SIK2: variants seen among roughly 807,000 people sequenced by gnomAD.
The protein encoded by SIK2 is serine/threonine-protein kinase SIK2.
A neutral mutation model predicts 103.2 loss-of-function variants in SIK2; 29 were observed. That is an observed-to-expected ratio of 0.28 (90% CI 0.21 to 0.38). The LOEUF is 0.38. Among genes scored for constraint, SIK2 ranks in the 10% least tolerant of loss-of-function variants. The probability of loss-of-function intolerance (pLI) is 1.00; values close to 1 mark genes in which losing one functional copy is unlikely to be tolerated. For missense variants in SIK2, 879 were observed against 1,171.0 expected (o/e 0.75, Z 3.64); for synonymous variants, 412 against 446.1 (o/e 0.92, Z 0.96).
chr11:111,626,595 A>G (rs1941963765), intron 3 of SIK2, among the ~76,000 whole-genome samples: 2 of 151,690 alleles, frequency 1.3e-5, no homozygotes, highest in Admixed American at 6.6e-5. Context: ...ATGTTGTGTC[A>G]TTATCTCCTA....
At chr11:111,639,863 T>C (rs1010929857) in intron 3 of SIK2, among the ~76,000 whole-genome samples, 1 of 152,206 alleles carries the variant, frequency 6.6e-6, no homozygotes, top group East Asian at 1.9e-4. Flanking sequence ...TCCTGGAGAC[T>C]GCTCTACTAG....
chr11:111,646,391 G>A (rs1168590548), intron 3 of SIK2, among the ~76,000 whole-genome samples: 1 of 152,166 alleles, frequency 6.6e-6, no homozygotes, highest in Non-Finnish European at 1.5e-5. Flanking sequence ...AGAGGTTGCA[G>A]TGAGCTGAGA....
chr11:111,726,615 C>A lies in SIK2; in HGVS notation c.*2486C>A. The A allele has an allele frequency of 4.0e-6, 1 of 250,836 alleles. No homozygotes were observed. The highest frequency in any genetic ancestry group is 7.7e-6 in the Non-Finnish European group (1 of 129,254). 15.5% of individuals were successfully genotyped at this position (250,836 alleles called of 1,614,324 possible). On this transcript the variant is annotated 3_prime_UTR_variant, in exon 15 of 15. Coordinates refer to ENST00000304987, the MANE Select transcript of SIK2 (RefSeq NM_015191.3). ...GAGGAGACTGGTTCTGTTGGTCAGT[C>A]AGGTGTTTGCTCAGCCCTGTCTGAT...
intron 3 of SIK2, among the ~76,000 whole-genome samples, chr11:111,643,136 A>G (rs1016693897): frequency 6.6e-6 from 1 of 152,028 alleles, no homozygotes; most frequent in Non-Finnish European, 1.5e-5. Context: ...ACCCACTGTG[A>G]TTTTCTTGAG....
At chr11:111,715,793 C>CTTTTTTTTTTTTTTTTTTTTTTTTTT (rs535843069) in intron 9 of SIK2, among the ~76,000 whole-genome samples, 2 of 81,582 alleles carry the variant, frequency 2.5e-5, no homozygotes, top group Non-Finnish European at 4.3e-5. Context: ...TCATTTTTAG[C>CTTTTTTTTTTTTTTTTTTTTTTTTTT]TTTTTTTTTT....
chr11:111,722,979 T>C lies in SIK2; in HGVS notation c.2147+223T>C, dbSNP rs180678075. 6.6e-6 allele frequency among the ~76,000 whole-genome samples: 1 copy of C among 152,330 alleles called. No homozygotes were observed. The highest frequency in any genetic ancestry group is 2.4e-5 in the African/African-American group (1 of 41,574). On this transcript the variant is annotated intron_variant, in intron 14 of 14. Coordinates refer to ENST00000304987, the MANE Select transcript of SIK2 (RefSeq NM_015191.3). The surrounding 1 kb of genome is among the most constrained non-coding windows in gnomAD (Gnocchi z 4.4). ...CCCCACAGTGTACTTTGTTTTCCTT[T>C]TCTTCTAGCGTTTCCTCTTTGGGGT...
At chr11:111,636,767 TA>T (rs1286087286) in intron 3 of SIK2, among the ~76,000 whole-genome samples, 1 of 152,246 alleles carries the variant, frequency 6.6e-6, no homozygotes, top group African/African-American at 2.4e-5. Flanking sequence ...AATAGAATTT[TA>T]ACTTGGAAAT....
At position 111,642,331 on chromosome 11, in the gene SIK2, T is replaced by A. The variant is rs376651972; in HGVS notation, c.316+21929T>A. On this transcript the variant is annotated intron_variant, in intron 3 of 14. Transcript: ENST00000304987. ...GTTTCCAGGTTACCCACACCTTCCGTCCCACTTGACTACAAAGTTGGGAAT... is the reference window on the plus strand; with the variant it reads ...GTTTCCAGGTTACCCACACCTTCCGACCCACTTGACTACAAAGTTGGGAAT... Among the ~76,000 whole-genome samples, 7 of 152,300 alleles carry A rather than the reference T, an allele frequency of 4.6e-5. No homozygotes were observed. In the South Asian group the frequency reaches 8.3e-4, roughly 18 times the overall value.
At chr11:111,617,039 TTAG>T (rs1206001112) in intron 2 of SIK2, among the ~76,000 whole-genome samples, 2 of 152,194 alleles carry the variant, frequency 1.3e-5, no homozygotes, top group African/African-American at 4.8e-5. Context: ...TTGGCTTATT[TTAG>T]TAGATAAAAT....
chr11:111,676,142 T>C (rs546279250), intron 3 of SIK2, among the ~76,000 whole-genome samples: 2 of 152,354 alleles, frequency 1.3e-5, no homozygotes, highest in African/African-American at 4.8e-5. Context: ...TGTATTATGT[T>C]GTCTTTATTC....
At chr11:111,652,295 G>T (rs471210) in intron 3 of SIK2, among the ~76,000 whole-genome samples, 1 of 152,166 alleles carries the variant, frequency 6.6e-6, no homozygotes, top group Non-Finnish European at 1.5e-5. Flanking sequence ...AAAATGAATT[G>T]CTTCTGAGTT....
chr11:111,618,357 T>C (rs777649143), intron 2 of SIK2, among the ~76,000 whole-genome samples: 9 of 152,202 alleles, frequency 5.9e-5, no homozygotes, highest in Non-Finnish European at 1.2e-4. Flanking sequence ...TAGGAACCCC[T>C]GCTTTAAACA....
At chr11:111,651,757 G>T (rs74335731) in intron 3 of SIK2, among the ~76,000 whole-genome samples, 9 of 152,080 alleles carry the variant, frequency 5.9e-5, no homozygotes, top group Admixed American at 5.9e-4. Context: ...TAACAGATAT[G>T]CATTGAACAC....
rs1401644117 is a variant in SIK2, at chr11:111,726,871, T to C, written c.*2742T>C. 8 of 1,129,992 alleles carry C rather than the reference T, an allele frequency of 7.1e-6. No individual in the cohort carries two copies. In the East Asian group the frequency reaches 9.7e-5, roughly 14 times the overall value. The allele number at this position is 1,129,992 out of a possible 1,614,324, so 70.0% of individuals were successfully genotyped here. On this transcript the variant is annotated 3_prime_UTR_variant, in exon 15 of 15. Transcript: ENST00000304987. ...AAACCAGGCTCCTCTGAAGAGACTT[T>C]GGTGAGATGAACGTGAGGTAAAAAT...
intron 3 of SIK2, among the ~76,000 whole-genome samples, chr11:111,680,476 A>T (rs1942762878): frequency 6.6e-6 from 1 of 152,204 alleles, no homozygotes; most frequent in South Asian, 2.1e-4. Flanking sequence ...ACTTTACTCC[A>T]AAATTACAAA....
intron 1 of SIK2, among the ~76,000 whole-genome samples, chr11:111,605,407 A>T (rs534187690): frequency 3.3e-5 from 5 of 152,314 alleles, no homozygotes; most frequent in African/African-American, 1.2e-4. Flanking sequence ...AAACTATAAG[A>T]TGTTTAATTA....
Position 111,705,191 on chromosome 11 carries a change from T to C in SIK2, c.1101+52T>C. 6.9e-7 allele frequency: 1 copy of C among 1,459,524 alleles called. No homozygotes were observed. The highest frequency in any genetic ancestry group is 1.6e-5 in the South Asian group (1 of 64,192). 90.4% of individuals were successfully genotyped at this position (1,459,524 alleles called of 1,614,324 possible). A position where few individuals can be genotyped will look rare whatever the true frequency, so the allele number is the denominator to read the frequency against. On this transcript the variant is annotated intron_variant, in intron 8 of 14. Coordinates refer to ENST00000304987, the MANE Select transcript of SIK2 (RefSeq NM_015191.3). This position sits in a 1 kb window ranked among gnomAD's most constrained non-coding sequence, Gnocchi z 4.3. Reference sequence around the variant, plus strand: ...ATCTGTGCATGTGCCTGTTCACATGTTTGATACATTTTTCATCTTATACAC... The same window carrying C: ...ATCTGTGCATGTGCCTGTTCACATGCTTGATACATTTTTCATCTTATACAC...
rs1943885870 is a variant in SIK2 at position 111,723,934 on chromosome 11, C to T, written c.2586C>T (p.Pro862=). The T allele has an allele frequency of 1.9e-6, 3 of 1,613,938 alleles. No individual in the cohort carries two copies. The highest frequency in any genetic ancestry group is 2.5e-6 in the Non-Finnish European group (3 of 1,179,968). The part of the protein sequence containing the change: ...PSAASPAPDY[P]TPCQYPVDGA... ...CTGCTTCCCCTGCGCCAGACTATCC[C>T]ACTCCCTGTCAGTATCCTGTGGATG... Residue 862 remains proline (P), a synonymous_variant, in exon 15 of 15, where the codon CCC becomes CCT. Transcript: ENST00000304987.
chr11:111,656,337 G>A (rs549782824), intron 3 of SIK2, among the ~76,000 whole-genome samples: 1 of 152,206 alleles, frequency 6.6e-6, no homozygotes, highest in South Asian at 2.1e-4. Flanking sequence ...GGCTCTAGTT[G>A]TTCATTTACT....
Sources: allele counts gnomAD v4.1 joint callset (sites outside exome capture counted in the v4.1 genomes callset), GRCh38; gene constraint gnomAD v4.1.1; non-coding constraint Gnocchi (gnomAD v3.1); transcripts MANE v1.5; gene names NCBI Gene and HGNC (gene_info 2026-07-23, HGNC 2026-07-21).